The following FGFRL1 variants were observed in gnomAD, a reference collection of about 807,000 sequenced individuals.
FGFRL1 encodes fibroblast growth factor receptor like 1.
A neutral mutation model predicts 36.8 loss-of-function variants in FGFRL1; 24 were observed. The ratio of observed to expected loss-of-function variants is 0.65; its 90% confidence interval spans 0.47 to 0.92. The LOEUF is 0.92. Among genes scored for constraint, FGFRL1 ranks in the 40% least tolerant of loss-of-function variants. The probability of loss-of-function intolerance (pLI) is 0.00; values close to 1 mark genes in which losing one functional copy is unlikely to be tolerated. For synonymous variants in FGFRL1, 422 were observed against 344.1 expected, an observed-to-expected ratio of 1.23 and a Z score of -2.50; for missense variants, 785 against 753.4, an observed-to-expected ratio of 1.04 and a Z score of -0.49.
At chr4:1,014,273 T>C (rs1323484226) in intron 2 of FGFRL1, among the ~76,000 whole-genome samples, 1 of 142,894 alleles carries the variant, frequency 7.0e-6, no homozygotes, top group Admixed American at 6.9e-5. Flanking sequence ...CTTAAACTGC[T>C]TTTTTTTTTT....
intron 2 of FGFRL1, among the ~76,000 whole-genome samples, chr4:1,014,222 GT>G (rs1324235601): frequency 6.6e-6 from 1 of 151,816 alleles, no homozygotes; most frequent in Non-Finnish European, 1.5e-5. Context: ...TATTTTAAAA[GT>G]TCCTCTTTTC....
rs1386009073 is a variant in FGFRL1, at chr4:1,024,734, C to T, written c.1072+70C>T. 62 of 1,489,574 alleles carry T rather than the reference C, an allele frequency of 4.2e-5. 1 individual carries two copies. Among genetic ancestry groups the T allele is most frequent in the Non-Finnish European group, 5.5e-5 (61 of 1,112,920 alleles). 92.3% of individuals were successfully genotyped at this position (1,489,574 alleles called of 1,614,324 possible). ...CCGCCCCCTGGGCCCGGCGTCCCACCCACCGGGTGGGGCCCCACCCTTCCC... is the reference window on the plus strand; with the variant it reads ...CCGCCCCCTGGGCCCGGCGTCCCACTCACCGGGTGGGGCCCCACCCTTCCC... On this transcript the variant is annotated intron_variant, in intron 6 of 6. Coordinates refer to ENST00000510644, the MANE Select transcript of FGFRL1 (RefSeq NM_001004356.3).
rs1159847559 is a variant in FGFRL1, at chr4:1,012,591, GC to G, written c.79+29del. The stretch of plus-strand genomic sequence containing the variant: ...TGAGTTCTGGCGCCCAGCCCGGCCA[GC>G]CTGGCCTCCGCCAGCGCCGCCCCCT... On this transcript the variant is annotated intron_variant, in intron 2 of 6. Coordinates refer to ENST00000510644, the MANE Select transcript of FGFRL1 (RefSeq NM_001004356.3). 21 of 1,152,158 alleles carry G rather than the reference GC, an allele frequency of 1.8e-5. No individual in the cohort carries two copies. In the African/African-American group the frequency reaches 3.3e-4, roughly 18 times the overall value. The allele number at this position is 1,152,158 out of a possible 1,614,324, so 71.4% of individuals were successfully genotyped here. A position where few individuals can be genotyped will look rare whatever the true frequency, so the allele number is the denominator to read the frequency against.
chr4:1,015,071 TTGCCCAGCCCTGGC>T (rs1267885838), intron 2 of FGFRL1, among the ~76,000 whole-genome samples: 2 of 152,026 alleles, frequency 1.3e-5, no homozygotes, highest in African/African-American at 4.8e-5. Context: ...CAGCCCTGGC[TTGCCCAGCCCTGGC>T]TCAGGAACTG....
Position 1,024,330 on chromosome 4 carries a change from C to T in FGFRL1, c.738C>T (p.Pro246=), listed in dbSNP as rs114935241. 7.4e-4 allele frequency: 1,195 copies of T among 1,605,822 alleles called. 7 individuals are homozygous for T. The African/African-American group carries it at 0.012, about 17-fold the overall frequency. ...VDVIQRTRSK[P]VLTGTHPVNT... ...CCACAGAGCGGACCCGTTCCAAGCC[C>T]GTGCTCACAGGCACGCACCCCGTGA... The change falls in exon 6 of 7, where the codon CCC becomes CCT. Residue 246 remains proline, a synonymous_variant. Transcript: ENST00000510644.
At chr4:1,014,663 G>A (rs1350284746) in intron 2 of FGFRL1, among the ~76,000 whole-genome samples, 5 of 152,344 alleles carry the variant, frequency 3.3e-5, no homozygotes, top group South Asian at 2.1e-4. Context: ...GTGGGTGTAC[G>A]GTGCTGACCT....
intron 3 of FGFRL1, 122 bp downstream of exon 3, chr4:1,022,597 C>T: frequency 8.0e-7 from 1 of 1,246,418 alleles, no homozygotes; most frequent in Non-Finnish European, 1.1e-6. Context: ...GAAAGCCTTC[C>T]TTCGGTGCCC....
At position 1,024,958 on chromosome 4, in the gene FGFRL1, C is replaced by T. The variant is rs749241683; in HGVS notation, c.1126C>T (p.Pro376Ser). Residue 376 changes from proline to serine, a missense_variant, in exon 7 of 7, where the codon CCG becomes TCG. By Grantham distance (74) the Pro-to-Ser change is moderately conservative (BLOSUM62 -1). Coordinates refer to ENST00000510644, the MANE Select transcript of FGFRL1 (RefSeq NM_001004356.3). ...VASSSSATSL[P>S]WPVVIGIPAG... ...CTCCTCGTCCTCGGCCACTAGCCTG[C>T]CGTGGCCCGTGGTCATCGGCATCCC... The T allele has an allele frequency of 5.0e-6, 8 of 1,607,812 alleles. No homozygotes were observed. The highest frequency in any genetic ancestry group is 5.9e-6 in the Non-Finnish European group (7 of 1,179,110).
intron 6 of FGFRL1, 101 bp from the exon 7 acceptor site, chr4:1,024,804 C>A: frequency 1.4e-6 from 2 of 1,419,514 alleles, no homozygotes; most frequent in East Asian, 4.7e-5. Flanking sequence ...GAGGGCAGCC[C>A]AGGGGCACCG....
chr4:1,014,885 C>T (rs1715805746), intron 2 of FGFRL1, among the ~76,000 whole-genome samples: 1 of 152,194 alleles, frequency 6.6e-6, no homozygotes. Context: ...AGGGAGGGAG[C>T]CGTGAACAAA....
At position 1,023,751 on chromosome 4, in the gene FGFRL1, G is replaced by A. The variant is rs773613785; in HGVS notation, c.433+30G>A. 4.8e-5 allele frequency: 74 copies of A among 1,548,564 alleles called. No individual in the cohort carries two copies. Among genetic ancestry groups the A allele is most frequent in the South Asian group, 1.2e-4 (10 of 82,354 alleles). On this transcript the variant is annotated intron_variant, in intron 4 of 6. Coordinates refer to ENST00000510644, the MANE Select transcript of FGFRL1 (RefSeq NM_001004356.3). This position sits in a 1 kb window ranked among gnomAD's most constrained non-coding sequence, Gnocchi z 6.0. ...GCAGGGGGTGACGGGGGTGGGGGGC[G>A]TCCGTCTGTCCCGGCCCCTTGGCTG...
In FGFRL1 at chr4:1,022,471, G is replaced by C; in HGVS notation, c.348G>C (p.Val116=). 6.3e-7 allele frequency: 1 copy of C among 1,598,988 alleles called. No homozygotes were observed. Among genetic ancestry groups the C allele is most frequent in the South Asian group, 1.1e-5 (1 of 89,136 alleles). ...TGAGCGTCAACTACACCCTCGTCGT[G>C]CTGGGTTAGTCGCTGCTGCGGTCAG... The part of the protein sequence containing the change: ...GSLSVNYTLV[V]LDDISPGKES... Residue 116 remains valine (V), a synonymous_variant, in exon 3 of 7, where the codon GTG becomes GTC. Transcript: ENST00000510644.
rs755880461 is a variant in FGFRL1, at chr4:1,024,470, A to G, written c.878A>G (p.Asn293Ser). 7.4e-6 allele frequency: 12 copies of G among 1,612,228 alleles called. No homozygotes were observed. In the South Asian group the frequency reaches 1.3e-4, roughly 18 times the overall value. Residue 293 changes from asparagine to serine, a missense_variant, in exon 6 of 7, where the codon AAC (asparagine) becomes AGC (serine). Coordinates refer to ENST00000510644, the MANE Select transcript of FGFRL1 (RefSeq NM_001004356.3). Reference sequence around the variant, plus strand: ...GAGTACGGCGCCGAGGGCCGCCACAACTCCACCATCGATGTGGGCGGCCAG... The same window carrying G: ...GAGTACGGCGCCGAGGGCCGCCACAGCTCCACCATCGATGTGGGCGGCCAG... ...RVEYGAEGRH[N>S]STIDVGGQKF...
intron 3 of FGFRL1, among the ~76,000 whole-genome samples, chr4:1,022,768 G>A (rs558894478): frequency 1.3e-5 from 2 of 152,220 alleles, no homozygotes; most frequent in African/African-American, 2.4e-5. Flanking sequence ...GCTGGGGCCC[G>A]AGGCCTTGGC....
intron 2 of FGFRL1, among the ~76,000 whole-genome samples, chr4:1,016,865 C>T (rs866552041): frequency 2.0e-5 from 3 of 152,128 alleles, no homozygotes; most frequent in Admixed American, 6.5e-5. Context: ...TTGCACTTGG[C>T]TTCCTGAGGA....
chr4:1,012,354 G>A (rs966261827), intron 1 of FGFRL1, 116 bp from the exon 2 acceptor site: 37 of 1,181,490 alleles, frequency 3.1e-5, no homozygotes, highest in East Asian at 2.3e-4. Flanking sequence ...CCTGGAGCGC[G>A]GGCGGGGAGG....
chr4:1,012,306 T>A, intron 1 of FGFRL1, 164 bp from the exon 2 acceptor site: 1 of 663,656 alleles, frequency 1.5e-6, no homozygotes, highest in Non-Finnish European at 2.4e-6. Context: ...TTGTCTGCCT[T>A]TGATACCCAC....
intron 2 of FGFRL1, among the ~76,000 whole-genome samples, chr4:1,020,459 C>T (rs1716110531): frequency 1.3e-5 from 2 of 151,842 alleles, no homozygotes; most frequent in African/African-American, 4.8e-5. Context: ...CATCCAGGTA[C>T]AGGCCCTGCG....
At chr4:1,017,319 C>T (rs115019686) in intron 2 of FGFRL1, among the ~76,000 whole-genome samples, 3,857 of 152,272 alleles carry the variant, frequency 0.025, 142 homozygotes, top group African/African-American at 0.077. Flanking sequence ...CTCCTCCATG[C>T]GGGAACTTGG....
Sources: allele counts gnomAD v4.1 joint callset (sites outside exome capture counted in the v4.1 genomes callset), GRCh38; gene constraint gnomAD v4.1.1; non-coding constraint Gnocchi (gnomAD v3.1); transcripts MANE v1.5; gene names NCBI Gene and HGNC (gene_info 2026-07-23, HGNC 2026-07-21).